The following SIGLEC9 variants were observed in gnomAD, a reference collection of about 807,000 sequenced individuals.
SIGLEC9 encodes the protein sialic acid-binding Ig-like lectin 9.
A neutral mutation model predicts 38.3 loss-of-function variants in SIGLEC9; 26 were observed. The observed-to-expected ratio is 0.68, with a 90% CI of 0.50 to 0.94. The LOEUF (loss-of-function observed/expected upper bound fraction) is 0.94, where lower values mean the gene tolerates loss of function less well. SIGLEC9 is among the 40% of genes least tolerant of loss of function. The pLI, the probability that SIGLEC9 is intolerant of heterozygous loss-of-function variation, is 0.00. For synonymous variants in SIGLEC9, 236 were observed against 248.0 expected (o/e 0.95, Z 0.45); for missense variants, 556 against 585.7 (o/e 0.95, Z 0.52).
downstream of SIGLEC9, among the ~76,000 whole-genome samples, chr19:51,133,420 A>C (rs1357509640): frequency 6.8e-5 from 1 of 14,812 alleles, no homozygotes; most frequent in South Asian, 4.0e-3. Context: ...CAAAAATACA[A>C]AAAAAAAAAA....
In SIGLEC9 at chr19:51,130,099, C is replaced by G; in HGVS notation, c.*20C>G. On this transcript the variant is annotated 3_prime_UTR_variant, in exon 7 of 7. Transcript: ENST00000250360. ...AGATGAGAAACTGCAGAGACTCACCCTGATTGAGGGATCACAGCCCCTCCA... is the reference window on the plus strand; with the variant it reads ...AGATGAGAAACTGCAGAGACTCACCGTGATTGAGGGATCACAGCCCCTCCA... The G allele has an allele frequency of 6.3e-7, 1 of 1,587,772 alleles. No homozygotes were observed. The highest frequency in any genetic ancestry group is 8.6e-7 in the Non-Finnish European group (1 of 1,165,438).
At chr19:51,127,713 T>C (rs1461318242) in intron 4 of SIGLEC9, among the ~76,000 whole-genome samples, 1 of 151,834 alleles carries the variant, frequency 6.6e-6, no homozygotes, top group African/African-American at 2.4e-5. Context: ...CAAAACAAAT[T>C]CATTAATGGA....
chr19:51,121,831 A>T (rs1426468844), upstream of SIGLEC9, among the ~76,000 whole-genome samples: 2 of 151,678 alleles, frequency 1.3e-5, no homozygotes, highest in Non-Finnish European at 2.9e-5. Flanking sequence ...CAGGTGATCC[A>T]ACCGCCTTGG....
At position 51,125,410 on chromosome 19, in the gene SIGLEC9, C is replaced by T. The variant is rs767016058; in HGVS notation, c.421+15C>T. ...GAATGTGACAGGTAAGGCACAGGCTCCAGGAAAGGCCACAGGGAAAGGTCA... is the reference window on the plus strand; with the variant it reads ...GAATGTGACAGGTAAGGCACAGGCTTCAGGAAAGGCCACAGGGAAAGGTCA... On this transcript the variant is annotated intron_variant, in intron 1 of 6. Coordinates refer to ENST00000250360, the MANE Select transcript of SIGLEC9 (RefSeq NM_014441.3). 6.4e-7 allele frequency: 1 copy of T among 1,566,818 alleles called. No homozygotes were observed. The highest frequency in any genetic ancestry group is 8.6e-7 in the Non-Finnish European group (1 of 1,156,208).
At chr19:51,133,082 T>A (rs148332992), downstream of SIGLEC9, among the ~76,000 whole-genome samples, 5 of 151,790 alleles carry the variant, frequency 3.3e-5, no homozygotes, top group African/African-American at 1.2e-4. Context: ...GTTCTGAAAT[T>A]TATATAAACA....
upstream of SIGLEC9, among the ~76,000 whole-genome samples, chr19:51,122,321 G>A (rs542852609): frequency 3.0e-4 from 46 of 152,264 alleles, no homozygotes; most frequent in East Asian, 5.6e-3. The surrounding 1 kb of genome is among the most constrained non-coding windows in gnomAD (Gnocchi z 4.1). Context: ...GGTGGCTCAC[G>A]CTTGTAATGC....
rs1047945697 is a variant in SIGLEC9, at chr19:51,125,577, A to G, written c.422-20A>G. ...CCATGGATCCTCTGACCTGATCCTG[A>G]GTCCCCCTCTCTTCACCAGCCTTGA... is the stretch of plus-strand genomic sequence containing the variant. On this transcript the variant is annotated intron_variant, in intron 1 of 6. Coordinates refer to ENST00000250360, the MANE Select transcript of SIGLEC9 (RefSeq NM_014441.3). 1 of 1,607,354 alleles carries G rather than the reference A, an allele frequency of 6.2e-7. No individual in the cohort carries two copies. Among genetic ancestry groups the G allele is most frequent in the Non-Finnish European group, 8.5e-7 (1 of 1,179,582 alleles).
At chr19:51,127,589 T>A (rs1176934976) in intron 4 of SIGLEC9, among the ~76,000 whole-genome samples, 1 of 151,730 alleles carries the variant, frequency 6.6e-6, no homozygotes, top group Non-Finnish European at 1.5e-5. Context: ...GTCACACAAC[T>A]GAGATACTTG....
intron 6 of SIGLEC9, among the ~76,000 whole-genome samples, chr19:51,129,439 G>A (rs1038264777): frequency 5.9e-5 from 9 of 152,122 alleles, no homozygotes; most frequent in Admixed American, 3.3e-4. Context: ...GATTACAGGC[G>A]TGAGCCACTG....
chr19:51,128,759 T>G, intron 6 of SIGLEC9: 1 of 444,402 alleles, frequency 2.3e-6, no homozygotes, highest in East Asian at 4.6e-5. Flanking sequence ...CTCACCTGTC[T>G]GCCTGTCTCC....
upstream of SIGLEC9, chr19:51,120,227 C>T (rs537638755): frequency 3.7e-4 from 57 of 152,550 alleles, no homozygotes; most frequent in African/African-American, 1.3e-3. The surrounding 1 kb of genome is among the most constrained non-coding windows in gnomAD (Gnocchi z 4.1). Flanking sequence ...CTCCCTGAAC[C>T]TCAGAGATGC....
In SIGLEC9 at chr19:51,127,040, C is replaced by G; in HGVS notation, c.759C>G (p.Val253=). ...TCTCTTTTTCTACAGTATCCACAGT[C>G]TTGGGAAATGGCTCATCTCTGTCAC... The part of the protein sequence containing the change: ...VFQGDGTVST[V]LGNGSSLSLP... Residue 253 remains valine, a synonymous_variant, in exon 4 of 7, where the codon GTC becomes GTG. Coordinates refer to ENST00000250360, the MANE Select transcript of SIGLEC9 (RefSeq NM_014441.3). 1 of 1,613,994 alleles carries G rather than the reference C, an allele frequency of 6.2e-7. No homozygotes were observed. The highest frequency in any genetic ancestry group is 1.3e-5 in the African/African-American group (1 of 75,044).
Position 51,127,028 on chromosome 19 carries a change from A to G in SIGLEC9, c.749-2A>G. 6.2e-7 allele frequency: 1 copy of G among 1,613,472 alleles called. No homozygotes were observed. Among genetic ancestry groups the G allele is most frequent in the African/African-American group, 1.3e-5 (1 of 74,990 alleles). On this transcript the variant is annotated splice_acceptor_variant, in intron 3 of 6. Transcript: ENST00000250360. LOFTEE classifies it high-confidence loss of function. ...TCTGACCCTCTGTCTCTTTTTCTACAGTATCCACAGTCTTGGGAAATGGCT... is the reference window on the plus strand; with the variant it reads ...TCTGACCCTCTGTCTCTTTTTCTACGGTATCCACAGTCTTGGGAAATGGCT...
downstream of SIGLEC9, among the ~76,000 whole-genome samples, chr19:51,134,147 CT>C (rs71185802): frequency 0.053 from 3,525 of 66,286 alleles, 9 homozygotes; most frequent in Middle Eastern, 0.13. Context: ...TCTTTCTTTT[CT>C]TTTTTTTTTT....
At chr19:51,124,125 G>A (rs1226398959), upstream of SIGLEC9, among the ~76,000 whole-genome samples, 1 of 152,194 alleles carries the variant, frequency 6.6e-6, no homozygotes, top group Non-Finnish European at 1.5e-5. Context: ...GAGGAAAGGA[G>A]AAATATCTTC....
chr19:51,132,817 A>G (rs1437290103), downstream of SIGLEC9, among the ~76,000 whole-genome samples: 2 of 152,158 alleles, frequency 1.3e-5, no homozygotes, highest in African/African-American at 4.8e-5. Context: ...ATGAATATAG[A>G]ACATTTTTGA....
rs1568613888 is a variant in SIGLEC9, at chr19:51,129,978, C to T, written c.1291C>T (p.Leu431Phe). The change falls in exon 7 of 7, where the codon CTC becomes TTC. Residue 431 changes from leucine to phenylalanine, a missense_variant. By Grantham distance (22) the Leu-to-Phe change is conservative (BLOSUM62 0). Coordinates refer to ENST00000250360, the MANE Select transcript of SIGLEC9 (RefSeq NM_014441.3). ...CCGCTCCTCAGTGGGGGAAGGAGAG[C>T]TCCAGTATGCATCCCTCAGCTTCCA... ...SARSSVGEGE[L>F]QYASLSFQMV... The T allele has an allele frequency of 6.2e-7, 1 of 1,614,124 alleles. No homozygotes were observed. Among genetic ancestry groups the T allele is most frequent in the Middle Eastern group, 1.7e-4 (1 of 6,060 alleles).
chr19:51,129,322 C>A (rs972516541), intron 6 of SIGLEC9, among the ~76,000 whole-genome samples: 4 of 144,906 alleles, frequency 2.8e-5, no homozygotes, highest in African/African-American at 1.0e-4. Flanking sequence ...CCACGCCCAG[C>A]TAATTTTTTT....
upstream of SIGLEC9, among the ~76,000 whole-genome samples, chr19:51,121,088 T>A (rs1192788161): frequency 6.6e-6 from 1 of 152,152 alleles, no homozygotes; most frequent in Non-Finnish European, 1.5e-5. Flanking sequence ...CAAGTGATCC[T>A]CCTGCCTCGG....
Sources: allele counts gnomAD v4.1 joint callset (sites outside exome capture counted in the v4.1 genomes callset), GRCh38; gene constraint gnomAD v4.1.1; non-coding constraint Gnocchi (gnomAD v3.1); transcripts MANE v1.5; gene names NCBI Gene and HGNC (gene_info 2026-07-23, HGNC 2026-07-21).